NRG1: variants seen among roughly 807,000 people sequenced by gnomAD.
NRG1 encodes the protein neuregulin 1, also known as pro-neuregulin-1, membrane-bound isoform.
NRG1 carries 18 observed loss-of-function variants against 63.8 expected under a neutral mutation model. The ratio of observed to expected loss-of-function variants is 0.28; its 90% CI spans 0.19 to 0.42. The LOEUF (loss-of-function observed/expected upper bound fraction) is 0.42, where lower values mean the gene tolerates loss of function less well. Ranked by LOEUF, NRG1 falls within the 10% of genes least tolerant of loss-of-function variation. The pLI is 1.00. For missense variants in NRG1, 762 were observed against 814.7 expected (o/e 0.94, Z 0.79); for synonymous variants, 302 against 301.3 (o/e 1.00, Z -0.02).
intron 1 of NRG1, among the ~76,000 whole-genome samples, chr8:32,255,019 T>C (rs1431478790): frequency 6.6e-6 from 1 of 152,230 alleles, no homozygotes; most frequent in African/African-American, 2.4e-5. Context: ...TTGCAACCTC[T>C]GCTTTTTCTT....
At chr8:31,763,363 T>G (rs1817738314) in intron 1 of NRG1, among the ~76,000 whole-genome samples, 1 of 152,226 alleles carries the variant, frequency 6.6e-6, no homozygotes, top group Non-Finnish European at 1.5e-5. Context: ...AAAAACACTT[T>G]TCTGGTACCC....
intron 1 of NRG1, among the ~76,000 whole-genome samples, chr8:31,887,760 A>C (rs974908796): frequency 4.6e-5 from 7 of 152,068 alleles, no homozygotes; most frequent in Non-Finnish European, 1.0e-4. Flanking sequence ...TGTTGCAAGG[A>C]GAATGTTAAC....
chr8:32,017,955 C>T (rs1267611873), intron 1 of NRG1, among the ~76,000 whole-genome samples: 2 of 152,200 alleles, frequency 1.3e-5, no homozygotes, highest in South Asian at 2.1e-4. Flanking sequence ...AAATCCCAAC[C>T]TTCTAATTCT....
chr8:31,986,676 A>T (rs1488887171), intron 1 of NRG1, among the ~76,000 whole-genome samples: 1 of 152,118 alleles, frequency 6.6e-6, no homozygotes, highest in South Asian at 2.1e-4. Flanking sequence ...CGAATTGGCC[A>T]GCTATTAATA....
At chr8:32,741,643 T>C (rs898341237) in intron 6 of NRG1, among the ~76,000 whole-genome samples, 4 of 152,150 alleles carry the variant, frequency 2.6e-5, no homozygotes, top group Non-Finnish European at 5.9e-5. Flanking sequence ...GGAATCATGT[T>C]AGCGCTTATC....
chr8:31,905,397 A>G (rs1384463091), intron 1 of NRG1, among the ~76,000 whole-genome samples: 2 of 152,184 alleles, frequency 1.3e-5, no homozygotes. Context: ...GTTTCTGGAG[A>G]CAAAACTCCC....
At chr8:31,663,665 A>G (rs2130952686) in intron 1 of NRG1, among the ~76,000 whole-genome samples, 1 of 152,284 alleles carries the variant, frequency 6.6e-6, no homozygotes, top group Admixed American at 6.5e-5. Flanking sequence ...TAGAGTTAGG[A>G]GTCAGGCTTT....
intron 1 of NRG1, among the ~76,000 whole-genome samples, chr8:31,868,716 C>A (rs1285485859): frequency 6.6e-6 from 1 of 152,202 alleles, no homozygotes; most frequent in Non-Finnish European, 1.5e-5. Context: ...CTGTCTGTTG[C>A]CTCACTGAAT....
In NRG1 at chr8:31,985,984, G is replaced by T. The variant is rs192223438; in HGVS notation, c.37+346553G>T. The stretch of plus-strand genomic sequence containing the variant: ...GAATACCATTGCATCAACTCTTTTA[G>T]CAAATTGCATTATTAGACATCCATT... On this transcript the variant is annotated intron_variant, in intron 1 of 10. Transcript: ENST00000519301. Among the ~76,000 whole-genome samples, 1,383 of 152,150 alleles carry T rather than the reference G, an allele frequency of 9.1e-3. 23 individuals carry two copies. Among genetic ancestry groups the T allele is most frequent in the South Asian group, 0.074 (359 of 4,828 alleles).
chr8:31,768,542 G>A (rs527696573), intron 1 of NRG1, among the ~76,000 whole-genome samples: 12 of 152,126 alleles, frequency 7.9e-5, no homozygotes, highest in African/African-American at 2.4e-4. Flanking sequence ...TCAAATTACC[G>A]AAAAGAGTAA....
chr8:31,877,058 C>A (rs986791516), intron 1 of NRG1, among the ~76,000 whole-genome samples: 3 of 152,076 alleles, frequency 2.0e-5, no homozygotes, highest in Admixed American at 2.0e-4. Flanking sequence ...ATAAAGAAAT[C>A]TTTAGATCTG....
chr8:32,759,489 A>C, intron 10 of NRG1, 53 bp downstream of exon 10: 1 of 1,587,206 alleles, frequency 6.3e-7, no homozygotes, highest in Non-Finnish European at 8.6e-7. Context: ...ATTGTTGCAC[A>C]TTGCCTTTTG....
intron 1 of NRG1, among the ~76,000 whole-genome samples, chr8:32,388,653 C>T (rs919457083): frequency 5.2e-4 from 14 of 27,134 alleles, no homozygotes; most frequent in Admixed American, 2.7e-3. Context: ...GATTACAAGA[C>T]GGTTTTTTTT....
rs145792593 is a variant in NRG1, at chr8:32,673,070, T to G, written c.503-54879T>G. Among the ~76,000 whole-genome samples the G allele has an allele frequency of 4.3e-3, 661 of 152,334 alleles. 6 individuals are homozygous for G. Among genetic ancestry groups the G allele is most frequent in the African/African-American group, 0.015 (644 of 41,578 alleles). ...TGACCATAGTGTTTATGCCTATAATTAAAACAAACCAAAGCCAAAAACATA... is the reference window on the plus strand; with the variant it reads ...TGACCATAGTGTTTATGCCTATAATGAAAACAAACCAAAGCCAAAAACATA... On this transcript the variant is annotated intron_variant, in intron 5 of 11. Transcript: ENST00000356819.
intron 5 of NRG1, among the ~76,000 whole-genome samples, chr8:32,723,892 A>G (rs1032853849): frequency 1.3e-5 from 2 of 152,056 alleles, no homozygotes; most frequent in African/African-American, 4.8e-5. Context: ...TCTAAATGAT[A>G]ATAGTAGTCC....
intron 3 of NRG1, among the ~76,000 whole-genome samples, chr8:32,611,793 TACAC>T (rs1003838785): frequency 9.2e-5 from 14 of 152,126 alleles, no homozygotes; most frequent in African/African-American, 3.4e-4. Flanking sequence ...AATGTTGGAA[TACAC>T]ACAGACACAT....
At chr8:31,831,903 T>G (rs1825198194) in intron 1 of NRG1, among the ~76,000 whole-genome samples, 1 of 152,152 alleles carries the variant, frequency 6.6e-6, no homozygotes, top group Admixed American at 6.5e-5. Context: ...CTGGGCAGCT[T>G]CCCCAGTGAT....
At chr8:32,355,320 G>A (rs11787065) in intron 1 of NRG1, among the ~76,000 whole-genome samples, 53 of 151,922 alleles carry the variant, frequency 3.5e-4, no homozygotes, top group Admixed American at 1.9e-3. Context: ...TTAGCCGGGC[G>A]TGGTGGTGTG....
intron 1 of NRG1, among the ~76,000 whole-genome samples, chr8:31,927,616 T>C (rs1000433343): frequency 4.7e-5 from 7 of 149,176 alleles, no homozygotes; most frequent in African/African-American, 7.4e-5. Flanking sequence ...GCCCGGCTAA[T>C]TTTTTGTATT....
Sources: allele counts gnomAD v4.1 joint callset (sites outside exome capture counted in the v4.1 genomes callset), GRCh38; gene constraint gnomAD v4.1.1; transcripts MANE v1.5; gene names NCBI Gene and HGNC (gene_info 2026-07-23, HGNC 2026-07-21).